CADM2: variants seen among roughly 807,000 people sequenced by gnomAD.
CADM2 encodes the protein immunoglobulin superfamily member 4D.
CADM2 carries 12 observed loss-of-function variants against 49.8 expected under a neutral mutation model. The ratio of observed to expected loss-of-function variants is 0.24; its 90% confidence interval spans 0.15 to 0.39. CADM2 has a LOEUF of 0.39. Ranked by LOEUF, CADM2 falls within the 10% of genes least tolerant of loss-of-function variation. The probability of loss-of-function intolerance (pLI) is 1.00; values close to 1 mark genes in which losing one functional copy is unlikely to be tolerated. For synonymous variants in CADM2, 214 were observed against 175.4 expected, an observed-to-expected ratio of 1.22 and a Z score of -1.74; for missense variants, 378 against 492.3, an observed-to-expected ratio of 0.77 and a Z score of 2.20.
chr3:85,502,691 T>C (rs1316229381), intron 1 of CADM2, among the ~76,000 whole-genome samples: 1 of 152,150 alleles, frequency 6.6e-6, no homozygotes. Flanking sequence ...TACCTTATTA[T>C]AGCTGCTCGC....
chr3:85,636,658 C>G (rs936202761), intron 1 of CADM2, among the ~76,000 whole-genome samples: 1 of 152,180 alleles, frequency 6.6e-6, no homozygotes, highest in Non-Finnish European at 1.5e-5. Flanking sequence ...ACATCCTGTC[C>G]TGAAAGCCCC....
chr3:85,500,353 A>G (rs551157005), intron 1 of CADM2, among the ~76,000 whole-genome samples: 1 of 152,290 alleles, frequency 6.6e-6, no homozygotes, highest in African/African-American at 2.4e-5. Context: ...TGTTTGCAAC[A>G]GTTTCCAGCT....
chr3:85,191,972 T>G (rs1207087893), intron 1 of CADM2, among the ~76,000 whole-genome samples: 1 of 151,760 alleles, frequency 6.6e-6, no homozygotes, highest in Non-Finnish European at 1.5e-5. Flanking sequence ...TGTGTGTGTA[T>G]TTTTTTAACC....
At chr3:85,866,231 A>G (rs143950517) in intron 3 of CADM2, among the ~76,000 whole-genome samples, 140 of 152,318 alleles carry the variant, frequency 9.2e-4, no homozygotes, top group African/African-American at 3.2e-3. Context: ...AGAAAGGTAA[A>G]ATAAGTGTAG....
intron 1 of CADM2, among the ~76,000 whole-genome samples, chr3:85,610,668 T>C (rs763976016): frequency 5.9e-5 from 9 of 152,048 alleles, no homozygotes; most frequent in Non-Finnish European, 1.0e-4. Context: ...ATAATCTCAC[T>C]GTACTGACTA....
intron 1 of CADM2, among the ~76,000 whole-genome samples, chr3:85,190,327 C>T (rs1319789464): frequency 6.6e-6 from 1 of 152,020 alleles, no homozygotes; most frequent in Admixed American, 6.6e-5. Context: ...GTCATTCCCC[C>T]CTTAATAATC....
chr3:85,336,277 T>C (rs1181528652), intron 1 of CADM2, among the ~76,000 whole-genome samples: 1 of 151,486 alleles, frequency 6.6e-6, no homozygotes, highest in African/African-American at 2.4e-5. Flanking sequence ...TTTTTCTGAA[T>C]TTAGCTAAAA....
At chr3:85,082,083 A>T (rs2037186569) in intron 1 of CADM2, among the ~76,000 whole-genome samples, 1 of 152,190 alleles carries the variant, frequency 6.6e-6, no homozygotes, top group Non-Finnish European at 1.5e-5. Context: ...GAAAATTGTT[A>T]TTATTAGCTC....
At chr3:85,912,609 A>G (rs528505472) in intron 6 of CADM2, 66 bp downstream of exon 6, 6 of 1,470,784 alleles carry the variant, frequency 4.1e-6, no homozygotes, top group Non-Finnish European at 5.6e-6. Flanking sequence ...ATCTAAAATC[A>G]TTTCAAAACT....
chr3:86,020,472 C>A (rs1394843103), intron 8 of CADM2, among the ~76,000 whole-genome samples: 3 of 151,922 alleles, frequency 2.0e-5, no homozygotes, highest in African/African-American at 7.3e-5. Context: ...AGGGAATCCT[C>A]CCTAACTCAT....
At chr3:85,150,862 T>C (rs578093623) in intron 1 of CADM2, among the ~76,000 whole-genome samples, 29 of 151,782 alleles carry the variant, frequency 1.9e-4, no homozygotes, top group African/African-American at 6.3e-4. Context: ...TGAGCTGATA[T>C]CGCACCATTG....
Position 84,959,164 on chromosome 3 carries a change from G to A in CADM2, c.-444G>A. The A allele has an allele frequency of 5.0e-6, 1 of 201,662 alleles. No individual in the cohort carries two copies. Among genetic ancestry groups the A allele is most frequent in the Non-Finnish European group, 1.0e-5 (1 of 99,334 alleles). The allele number at this position is 201,662 out of a possible 1,614,324, so 12.5% of individuals were successfully genotyped here. A position where few individuals can be genotyped will look rare whatever the true frequency, so the allele number is the denominator to read the frequency against. On this transcript the variant is annotated 5_prime_UTR_variant, in exon 1 of 10. Transcript: ENST00000383699. ...CACCCCGGGCGCGAGCGGCAGTGCT[G>A]CTTGCTTGCTCCTCCTCTCCCCCAG...
intron 4 of CADM2, among the ~76,000 whole-genome samples, chr3:85,885,747 G>A (rs1323522961): frequency 1.3e-5 from 2 of 148,896 alleles, no homozygotes; most frequent in African/African-American, 2.5e-5. Context: ...AGCTACTTGG[G>A]AGTCTGAAGC....
At chr3:85,495,404 A>C (rs1298200057) in intron 1 of CADM2, among the ~76,000 whole-genome samples, 1 of 152,120 alleles carries the variant, frequency 6.6e-6, no homozygotes, top group Non-Finnish European at 1.5e-5. Flanking sequence ...GTGGATTCAC[A>C]TCGTTATTTC....
intron 1 of CADM2, among the ~76,000 whole-genome samples, chr3:85,680,259 A>G (rs544933202): frequency 6.6e-6 from 1 of 152,112 alleles, no homozygotes; most frequent in South Asian, 2.1e-4. Flanking sequence ...ATTAATATAT[A>G]TATTTGTATC....
chr3:84,996,281 A>C (rs2107196451), intron 1 of CADM2, among the ~76,000 whole-genome samples: 1 of 152,220 alleles, frequency 6.6e-6, no homozygotes, highest in South Asian at 2.1e-4. Context: ...ATTAATATTA[A>C]GTTAAATTGC....
chr3:85,702,307 A>AT (rs1221595999), intron 1 of CADM2, among the ~76,000 whole-genome samples: 5 of 151,086 alleles, frequency 3.3e-5, no homozygotes, highest in Non-Finnish European at 7.4e-5. Flanking sequence ...TTCTTTTTTT[A>AT]TTTTTTTTCC....
chr3:85,996,322 C>T (rs1253267188), intron 8 of CADM2, among the ~76,000 whole-genome samples: 9 of 120,048 alleles, frequency 7.5e-5, no homozygotes, highest in East Asian at 2.6e-4. Context: ...TGGTCTGAGA[C>T]GGAGTCTCAC....
intron 1 of CADM2, among the ~76,000 whole-genome samples, chr3:85,501,693 C>A (rs1021190518): frequency 4.6e-5 from 7 of 152,168 alleles, no homozygotes; most frequent in African/African-American, 1.7e-4. Flanking sequence ...GTCATTAAAA[C>A]ATTACATACA....
Sources: gnomAD v4.1 joint callset for allele counts (sites outside exome capture counted in the v4.1 genomes callset) on GRCh38, gnomAD v4.1.1 for gene constraint, MANE v1.5 for transcripts, NCBI Gene and HGNC (gene_info 2026-07-23, HGNC 2026-07-21) for gene names.